CRB1: variants seen among roughly 807,000 people sequenced by gnomAD.
CRB1 encodes the protein protein crumbs homolog 1.
Under a neutral mutation model 120.0 loss-of-function variants are expected in CRB1, and 83 were observed. The ratio of observed to expected loss-of-function variants is 0.69; its 90% CI spans 0.58 to 0.83. CRB1 has a LOEUF of 0.83. Among genes scored for constraint, CRB1 ranks in the 40% least tolerant of loss-of-function variants. The pLI is 0.00. For synonymous variants in CRB1, 625 were observed against 612.5 expected, an observed-to-expected ratio of 1.02 and a Z score of -0.30; for missense variants, 1,699 against 1,687.6, an observed-to-expected ratio of 1.01 and a Z score of -0.12.
chr1:197,394,617 A>T (rs1407541227), intron 5 of CRB1, among the ~76,000 whole-genome samples: 1 of 152,052 alleles, frequency 6.6e-6, no homozygotes, highest in African/African-American at 2.4e-5. Context: ...CAATTATGAT[A>T]CAAATTTAAA....
At chr1:197,356,262 T>C (rs993548920) in intron 4 of CRB1, among the ~76,000 whole-genome samples, 1 of 152,222 alleles carries the variant, frequency 6.6e-6, no homozygotes, top group Non-Finnish European at 1.5e-5. Context: ...AGTAGAGAAC[T>C]TTCATTGATA....
chr1:197,410,718 G>A (rs999945949), intron 5 of CRB1, among the ~76,000 whole-genome samples: 39 of 152,056 alleles, frequency 2.6e-4, no homozygotes, highest in African/African-American at 8.7e-4. Flanking sequence ...TTATTCATGC[G>A]GCATATTCTT....
intron 5 of CRB1, among the ~76,000 whole-genome samples, chr1:197,405,233 G>A (rs1339056907): frequency 1.3e-5 from 2 of 152,102 alleles, no homozygotes; most frequent in African/African-American, 4.8e-5. Flanking sequence ...GCGCCGCCAC[G>A]CCTGACTGGT....
chr1:197,450,171 C>G (rs1665892310), intron 11 of CRB1, among the ~76,000 whole-genome samples: 1 of 152,000 alleles, frequency 6.6e-6, no homozygotes, highest in South Asian at 2.1e-4. Context: ...TGTTATATGC[C>G]GAAGGGTTAC....
intron 11 of CRB1, among the ~76,000 whole-genome samples, chr1:197,445,535 C>A (rs1186079587): frequency 6.6e-6 from 1 of 152,106 alleles, no homozygotes; most frequent in Non-Finnish European, 1.5e-5. Flanking sequence ...CAAGGTCAAC[C>A]AAAATCTTTT....
Position 197,294,619 on chromosome 1 carries a change from C to T in CRB1, c.70+26137C>T, listed in dbSNP as rs144939132. ...GACACATGCACACATACGTTTATTG[C>T]GGCACTATTCACAATAGCAAAGACT... On this transcript the variant is annotated intron_variant, in intron 1 of 11. Transcript: ENST00000367400. 5.2e-3 allele frequency among the ~76,000 whole-genome samples: 794 copies of T among 152,090 alleles called. 10 individuals are homozygous for T. The highest frequency in any genetic ancestry group is 0.018 in the African/African-American group (751 of 41,484).
intron 1 of CRB1, among the ~76,000 whole-genome samples, chr1:197,288,355 C>G (rs1316642228): frequency 6.6e-6 from 1 of 151,774 alleles, no homozygotes; most frequent in East Asian, 1.9e-4. Flanking sequence ...TCGGTAGTTA[C>G]AAATATTCTC....
chr1:197,448,087 A>G (rs919641411), intron 11 of CRB1, among the ~76,000 whole-genome samples: 2 of 151,502 alleles, frequency 1.3e-5, no homozygotes, highest in African/African-American at 4.9e-5. Context: ...TTTTTTCTCT[A>G]TAATTGCTAC....
chr1:197,259,915 C>G, the CRB1 span, among the ~76,000 whole-genome samples: 1 of 150,694 alleles, frequency 6.6e-6, no homozygotes, highest in Non-Finnish European at 1.5e-5. Flanking sequence ...TTTGGGAGGC[C>G]AAGGTGGGAG....
chr1:197,421,971 A>G lies in CRB1; in HGVS notation c.2128+15A>G. On this transcript the variant is annotated intron_variant, in intron 6 of 11. Transcript: ENST00000367400. ...CTGTCTGAGAGGTGAGAGAAAGCTG[A>G]GTGCTATGGCTAGGAGTGCCATGCC... 1.9e-6 allele frequency: 3 copies of G among 1,611,860 alleles called. No individual in the cohort carries two copies. The highest frequency in any genetic ancestry group is 2.5e-6 in the Non-Finnish European group (3 of 1,179,444).
At chr1:197,396,488 A>T (rs1477998635) in intron 5 of CRB1, among the ~76,000 whole-genome samples, 3 of 152,136 alleles carry the variant, frequency 2.0e-5, no homozygotes, top group Non-Finnish European at 2.9e-5. Context: ...TAAAATTTGT[A>T]TGGAAAGCCA....
intron 1 of CRB1, among the ~76,000 whole-genome samples, chr1:197,296,315 G>A (rs1198190742): frequency 6.6e-6 from 1 of 151,938 alleles, no homozygotes; most frequent in Non-Finnish European, 1.5e-5. Flanking sequence ...TCTATAAGAT[G>A]GAAATAATAA....
At chr1:197,279,152 T>G (rs1036737368) in intron 1 of CRB1, among the ~76,000 whole-genome samples, 1 of 151,960 alleles carries the variant, frequency 6.6e-6, no homozygotes, top group Non-Finnish European at 1.5e-5. Context: ...AAACAGCATA[T>G]ACAGTTTGTA....
At chr1:197,431,423 A>C (rs1019611471) in intron 8 of CRB1, among the ~76,000 whole-genome samples, 1 of 152,180 alleles carries the variant, frequency 6.6e-6, no homozygotes, top group Admixed American at 6.5e-5. Context: ...CTAAATTTTA[A>C]ATGATACTTT....
the CRB1 span, among the ~76,000 whole-genome samples, chr1:197,255,965 T>TTATATATATATATATATATA: frequency 1.9e-3 from 162 of 85,300 alleles, 4 homozygotes; most frequent in Non-Finnish European, 3.1e-3. Flanking sequence ...ATAGAACATT[T>TTATATATATATATATATATA]TATATATATA....
intron 1 of CRB1, among the ~76,000 whole-genome samples, chr1:197,275,790 G>A (rs2125208294): frequency 6.6e-6 from 1 of 151,808 alleles, no homozygotes; most frequent in Non-Finnish European, 1.5e-5. Context: ...CATTACTTGG[G>A]GCACCAAAAG....
At chr1:197,256,068 C>G in the CRB1 span, among the ~76,000 whole-genome samples, 1 of 146,054 alleles carries the variant, frequency 6.8e-6, no homozygotes, top group Non-Finnish European at 1.5e-5. Flanking sequence ...ACTTATTTCT[C>G]CTTTCATTTT....
chr1:197,327,091 CAAAAAAA>C (rs71131753), intron 1 of CRB1, among the ~76,000 whole-genome samples: 3 of 25,696 alleles, frequency 1.2e-4, no homozygotes, highest in African/African-American at 5.9e-4. Flanking sequence ...TCTCACACAC[CAAAAAAA>C]AAAAAAAAAA....
the CRB1 span, among the ~76,000 whole-genome samples, chr1:197,220,543 G>A: frequency 6.6e-6 from 1 of 152,158 alleles, no homozygotes; most frequent in Non-Finnish European, 1.5e-5. Context: ...AGGGAGCAAA[G>A]GTAACTATTG....
Sources: gnomAD v4.1 joint callset for allele counts (sites outside exome capture counted in the v4.1 genomes callset) on GRCh38, gnomAD v4.1.1 for gene constraint, MANE v1.5 for transcripts, NCBI Gene and HGNC (gene_info 2026-07-23, HGNC 2026-07-21) for gene names.